The following MOB3B variants were observed in gnomAD, a reference collection of about 807,000 sequenced individuals.
The protein encoded by MOB3B is MOB kinase activator-like 2B.
In MOB3B, 7 loss-of-function variants were observed where a neutral mutation model predicts 18.7. The ratio of observed to expected loss-of-function variants is 0.37; its 90% CI spans 0.21 to 0.70. MOB3B has a LOEUF of 0.70. Ranked by LOEUF, MOB3B falls within the 30% of genes least tolerant of loss-of-function variation. The pLI, the probability that MOB3B is intolerant of heterozygous loss-of-function variation, is 0.52. For synonymous variants in MOB3B, 111 were observed against 99.9 expected, an observed-to-expected ratio of 1.11 and a Z score of -0.66; for missense variants, 253 against 281.3, an observed-to-expected ratio of 0.90 and a Z score of 0.72.
chr9:27,349,033 C>A (rs563545132), intron 3 of MOB3B, among the ~76,000 whole-genome samples: 1 of 147,170 alleles, frequency 6.8e-6, no homozygotes, highest in African/African-American at 2.7e-5. Context: ...CCCTATGGAG[C>A]TATCTGCATA....
chr9:27,393,657 T>C (rs1249628799), intron 2 of MOB3B, among the ~76,000 whole-genome samples: 3 of 152,210 alleles, frequency 2.0e-5, no homozygotes. Context: ...TTTGAGTGCT[T>C]ACATGTCAAG....
chr9:27,421,620 A>G (rs1440138240), intron 2 of MOB3B: 3 of 152,304 alleles, frequency 2.0e-5, no homozygotes, highest in Admixed American at 2.0e-4. Context: ...TCATCCTCAG[A>G]ATAAAGTCCC....
chr9:27,350,235 CAAAA>C, intron 3 of MOB3B, among the ~76,000 whole-genome samples: 2 of 66,862 alleles, frequency 3.0e-5, no homozygotes, highest in Non-Finnish European at 6.8e-5. Context: ...AAGTATATAC[CAAAA>C]AAAAAAAAAA....
intron 2 of MOB3B, among the ~76,000 whole-genome samples, chr9:27,362,848 A>T (rs1240259290): frequency 6.6e-6 from 1 of 152,060 alleles, no homozygotes; most frequent in Non-Finnish European, 1.5e-5. Flanking sequence ...TACTATTTTC[A>T]CCCTTTTCCC....
chr9:27,382,717 G>GAT (rs57101091), intron 2 of MOB3B, among the ~76,000 whole-genome samples: 44,239 of 147,746 alleles, frequency 0.3, 7,008 homozygotes, highest in East Asian at 0.46. Flanking sequence ...AGGTGAAGGT[G>GAT]ATATATATAT....
rs2131423200 is a variant in MOB3B, at chr9:27,431,867, C to A, written c.418+23266G>T. 2.0e-5 allele frequency among the ~76,000 whole-genome samples: 3 copies of A among 152,258 alleles called. No homozygotes were observed. In the South Asian group the frequency reaches 6.2e-4, roughly 32 times the overall value. On this transcript the variant is annotated intron_variant, in intron 2 of 3. Coordinates refer to ENST00000262244, the MANE Select transcript of MOB3B (RefSeq NM_024761.5). ...TGCTTTTCCCATTAAAAATTGTATACAACTGATCAACATGACGGATAAACA... is the reference window on the plus strand; with the variant it reads ...TGCTTTTCCCATTAAAAATTGTATAAAACTGATCAACATGACGGATAAACA...
At chr9:27,343,103 T>C (rs1820976786) in intron 3 of MOB3B, among the ~76,000 whole-genome samples, 1 of 151,884 alleles carries the variant, frequency 6.6e-6, no homozygotes. Flanking sequence ...GAAGTAGACA[T>C]GGGAGACTCC....
At chr9:27,421,450 G>A (rs1257872271) in intron 2 of MOB3B, 1 of 152,280 alleles carries the variant, frequency 6.6e-6, no homozygotes, top group Admixed American at 6.5e-5. Flanking sequence ...AGTGAGTTAA[G>A]TGAGAGTAGC....
chr9:27,528,468 C>T (rs992834015), intron 1 of MOB3B, among the ~76,000 whole-genome samples: 7 of 152,234 alleles, frequency 4.6e-5, no homozygotes, highest in Non-Finnish European at 7.3e-5. Context: ...GCGCCCTGGG[C>T]CACAGGCAGC....
intron 1 of MOB3B, among the ~76,000 whole-genome samples, chr9:27,495,429 T>C (rs1819882386): frequency 1.3e-5 from 2 of 152,150 alleles, no homozygotes; most frequent in Middle Eastern, 3.2e-3. Context: ...GGTTAGCTAC[T>C]CCATCCCTGT....
At chr9:27,487,293 G>A (rs1819743615) in intron 1 of MOB3B, among the ~76,000 whole-genome samples, 1 of 152,058 alleles carries the variant, frequency 6.6e-6, no homozygotes, top group East Asian at 1.9e-4. Context: ...AGATCAGAAG[G>A]CACATGTGTT....
intron 3 of MOB3B, among the ~76,000 whole-genome samples, chr9:27,350,721 C>A (rs1014137514): frequency 2.6e-5 from 4 of 152,236 alleles, no homozygotes; most frequent in Admixed American, 6.5e-5. Flanking sequence ...AAAATGATAT[C>A]TGGCAGGCCC....
In MOB3B at chr9:27,401,973, T is replaced by C. The variant is rs192590258; in HGVS notation, c.419-42737A>G. ...CTAGCGCATAATGTGCAGATATTTC[T>C]GTCCTGTAGAGAATACAGCACAGAA... On this transcript the variant is annotated intron_variant, in intron 2 of 3. Transcript: ENST00000262244. Among the ~76,000 whole-genome samples, 312 of 152,372 alleles carry C rather than the reference T, an allele frequency of 2.0e-3. 1 individual carries two copies. The highest frequency in any genetic ancestry group is 7.3e-3 in the African/African-American group (303 of 41,598).
chr9:27,399,003 G>A (rs890360387), intron 2 of MOB3B, among the ~76,000 whole-genome samples: 1 of 151,760 alleles, frequency 6.6e-6, no homozygotes, highest in Admixed American at 6.6e-5. Context: ...TGGGGGCAGG[G>A]GGGTGGGAAA....
At chr9:27,446,440 TGATTC>T (rs1822693912) in intron 2 of MOB3B, among the ~76,000 whole-genome samples, 1 of 152,224 alleles carries the variant, frequency 6.6e-6, no homozygotes, top group Admixed American at 6.5e-5. Context: ...GACTCCTTCC[TGATTC>T]TAGCTGTCAA....
intron 2 of MOB3B, among the ~76,000 whole-genome samples, chr9:27,360,867 G>A (rs1821264646): frequency 6.6e-6 from 1 of 152,188 alleles, no homozygotes; most frequent in African/African-American, 2.4e-5. Context: ...CTTGGGAGCT[G>A]ACTGCCTGGG....
chr9:27,467,226 C>G (rs1819398339), intron 1 of MOB3B, among the ~76,000 whole-genome samples: 2 of 152,206 alleles, frequency 1.3e-5, no homozygotes, highest in South Asian at 4.1e-4. Context: ...CAGAAAGATG[C>G]AGGTCTGAGT....
chr9:27,415,937 A>G (rs1426267364), intron 2 of MOB3B, among the ~76,000 whole-genome samples: 1 of 152,246 alleles, frequency 6.6e-6, no homozygotes, highest in Non-Finnish European at 1.5e-5. Context: ...TAGTTCACAC[A>G]GACATATGAT....
chr9:27,525,927 G>A (rs1463772942), intron 1 of MOB3B: 1 of 152,062 alleles, frequency 6.6e-6, no homozygotes, highest in Admixed American at 6.5e-5. Context: ...TTTCTAGCAC[G>A]GCCCTTCATC....
Sources: allele counts gnomAD v4.1 joint callset (sites outside exome capture counted in the v4.1 genomes callset), GRCh38; gene constraint gnomAD v4.1.1; transcripts MANE v1.5; gene names NCBI Gene and HGNC (gene_info 2026-07-23, HGNC 2026-07-21).